NRXN3: variants seen among roughly 807,000 people sequenced by gnomAD.
NRXN3 encodes neurexin 3, also known as neurexin III.
NRXN3 carries 32 observed loss-of-function variants against 137.6 expected under a neutral mutation model. That is an observed-to-expected ratio of 0.23 (90% CI 0.18 to 0.31). The LOEUF (loss-of-function observed/expected upper bound fraction) is 0.31, where lower values mean the gene tolerates loss of function less well. Among genes scored for constraint, NRXN3 ranks in the 10% least tolerant of loss-of-function variants. The pLI is 1.00. For synonymous variants in NRXN3, 798 were observed against 784.5 expected (o/e 1.02, Z -0.29); for missense variants, 1,574 against 2,062.5 (o/e 0.76, Z 4.59).
At position 78,917,454 on chromosome 14, in the gene NRXN3, G is replaced by T. The variant is rs573662216; in HGVS notation, c.2276-39788G>T. On this transcript the variant is annotated intron_variant, in intron 10 of 20. Coordinates refer to ENST00000335750, the MANE Select transcript of NRXN3 (RefSeq NM_001330195.2). ...AGACCTGCACATGTACCCTTAAACC[G>T]AAAATTAAAGTTAAAAAAAGGAAAG... Among the ~76,000 whole-genome samples the T allele has an allele frequency of 5.3e-5, 8 of 152,122 alleles. No individual in the cohort carries two copies. The East Asian group carries it at 5.8e-4, about 11-fold the overall frequency.
At chr14:79,723,632 C>T (rs1298487782) in intron 19 of NRXN3, among the ~76,000 whole-genome samples, 3 of 152,104 alleles carry the variant, frequency 2.0e-5, no homozygotes, top group African/African-American at 4.8e-5. Flanking sequence ...AAATTTCAGA[C>T]ACAGCAATGA....
chr14:79,060,873 A>C (rs1005654086), intron 15 of NRXN3, among the ~76,000 whole-genome samples: 6 of 151,612 alleles, frequency 4.0e-5, no homozygotes, highest in Admixed American at 2.6e-4. Flanking sequence ...TAGGGTGGAG[A>C]AGTTCCCATG....
intron 2 of NRXN3, among the ~76,000 whole-genome samples, chr14:78,256,063 G>A (rs1297952024): frequency 6.6e-6 from 1 of 152,132 alleles, no homozygotes; most frequent in African/African-American, 2.4e-5. Context: ...ATCTAGTTGA[G>A]GATGAACTAG....
chr14:79,523,654 AAGG>A (rs1272791964), intron 16 of NRXN3, among the ~76,000 whole-genome samples: 1 of 152,232 alleles, frequency 6.6e-6, no homozygotes, highest in Admixed American at 6.5e-5. Context: ...AAGGAAAAAA[AAGG>A]AGAGAGACAT....
At chr14:78,681,869 G>T (rs12434904) in intron 6 of NRXN3, among the ~76,000 whole-genome samples, 14,444 of 151,308 alleles carry the variant, frequency 0.095, 723 homozygotes, top group Admixed American at 0.14. Context: ...TGTTTTTTTT[G>T]TTGTTGTTGC....
intron 15 of NRXN3, among the ~76,000 whole-genome samples, chr14:79,365,859 T>G (rs2093873727): frequency 6.6e-6 from 1 of 151,954 alleles, no homozygotes; most frequent in South Asian, 2.1e-4. Context: ...CAAAATCTGA[T>G]ACGTATAATG....
intron 10 of NRXN3, among the ~76,000 whole-genome samples, chr14:78,949,345 G>A (rs185131503): frequency 4.6e-5 from 7 of 152,138 alleles, no homozygotes; most frequent in African/African-American, 1.4e-4. Context: ...TATATGGAAT[G>A]CTTTCCTGAA....
rs577502533 is a variant in NRXN3, at chr14:79,355,305, T to TCCCAACTCC, written c.3263-111910_3263-111902dup. Among the ~76,000 whole-genome samples, 965 of 149,300 alleles carry TCCCAACTCC rather than the reference T, an allele frequency of 6.5e-3. 7 individuals are homozygous for TCCCAACTCC. Among genetic ancestry groups the TCCCAACTCC allele is most frequent in the Middle Eastern group, 0.031 (9 of 290 alleles). Reference sequence around the variant, plus strand: ...TGTCCCTCCAACTCTTCTTCACATCTCCCAACTCCCCCAATTCACTTCTTT... The same window carrying TCCCAACTCC: ...TGTCCCTCCAACTCTTCTTCACATCTCCCAACTCCCCCAACTCCCCCAATTCACTTCTTT... On this transcript the variant is annotated intron_variant, in intron 15 of 20. Coordinates refer to ENST00000335750, the MANE Select transcript of NRXN3 (RefSeq NM_001330195.2).
intron 4 of NRXN3, among the ~76,000 whole-genome samples, chr14:78,447,350 A>G (rs1462577301): frequency 1.3e-5 from 2 of 152,262 alleles, no homozygotes; most frequent in Non-Finnish European, 2.9e-5. Flanking sequence ...TTTTGACTGT[A>G]TCGTTTTAAT....
chr14:79,065,371 G>A (rs1269801611), intron 15 of NRXN3, among the ~76,000 whole-genome samples: 1 of 152,192 alleles, frequency 6.6e-6, no homozygotes, highest in East Asian at 1.9e-4. Context: ...GGAATAGACT[G>A]CGGAAAATCA....
chr14:79,259,588 T>G (rs1033625196), intron 15 of NRXN3, among the ~76,000 whole-genome samples: 14 of 148,044 alleles, frequency 9.5e-5, no homozygotes, highest in South Asian at 4.2e-4. Flanking sequence ...TAGCTATATA[T>G]AGAGTTATAT....
intron 15 of NRXN3, among the ~76,000 whole-genome samples, chr14:79,077,878 G>A (rs2046254082): frequency 6.6e-6 from 1 of 152,030 alleles, no homozygotes; most frequent in South Asian, 2.1e-4. Flanking sequence ...CTATTGATCA[G>A]GTATATATAA....
At chr14:78,780,567 T>C (rs1225069419) in intron 8 of NRXN3, among the ~76,000 whole-genome samples, 2 of 152,106 alleles carry the variant, frequency 1.3e-5, no homozygotes, top group Non-Finnish European at 2.9e-5. Flanking sequence ...AGGATTGGTA[T>C]TCTAAATTGT....
At chr14:78,762,178 T>C (rs1222940807) in intron 8 of NRXN3, among the ~76,000 whole-genome samples, 1 of 152,216 alleles carries the variant, frequency 6.6e-6, no homozygotes, top group Non-Finnish European at 1.5e-5. Context: ...TGTGTATGCA[T>C]GACTGAACCT....
intron 15 of NRXN3, among the ~76,000 whole-genome samples, chr14:79,325,890 A>G (rs541527138): frequency 1.2e-4 from 19 of 152,306 alleles, no homozygotes; most frequent in Admixed American, 2.0e-4. Flanking sequence ...TCTTTGAGAT[A>G]TATAGTAGCT....
At chr14:79,707,485 T>C (rs1303867670) in intron 19 of NRXN3, among the ~76,000 whole-genome samples, 2 of 145,052 alleles carry the variant, frequency 1.4e-5, no homozygotes, top group Non-Finnish European at 3.1e-5. Flanking sequence ...CCAGGGTCCT[T>C]TGTGGAGCTA....
At chr14:79,738,452 AG>A (rs1444176110) in intron 19 of NRXN3, among the ~76,000 whole-genome samples, 49 of 152,162 alleles carry the variant, frequency 3.2e-4, no homozygotes, top group Admixed American at 3.2e-3. Flanking sequence ...ATTCTCTTTT[AG>A]GGTCTTCAGA....
chr14:79,606,387 A>G (rs1433058829), intron 16 of NRXN3, among the ~76,000 whole-genome samples: 1 of 152,242 alleles, frequency 6.6e-6, no homozygotes, highest in Non-Finnish European at 1.5e-5. Flanking sequence ...TCTTCTGGTG[A>G]TATTTGAAAT....
At chr14:79,295,951 GTTT>G (rs137897636) in intron 15 of NRXN3, among the ~76,000 whole-genome samples, 1,796 of 152,214 alleles carry the variant, frequency 0.012, 32 homozygotes, top group African/African-American at 0.041. Flanking sequence ...GTCTTCTACT[GTTT>G]TCCAGGCACT....
Sources: allele counts gnomAD v4.1 joint callset (sites outside exome capture counted in the v4.1 genomes callset), GRCh38; gene constraint gnomAD v4.1.1; transcripts MANE v1.5; gene names NCBI Gene and HGNC (gene_info 2026-07-23, HGNC 2026-07-21).